The following PTPRN2 variants were observed in gnomAD, a reference collection of about 807,000 sequenced individuals.
The protein encoded by PTPRN2 is protein tyrosine phosphatase receptor type N2.
In PTPRN2, 74 loss-of-function variants were observed where a neutral mutation model predicts 118.8. The ratio of observed to expected loss-of-function variants is 0.62; its 90% CI spans 0.52 to 0.76. PTPRN2 has a LOEUF of 0.76. PTPRN2 is among the 30% of genes least tolerant of loss of function. The pLI, the probability that PTPRN2 is intolerant of heterozygous loss-of-function variation, is 0.00. For synonymous variants in PTPRN2, 641 were observed against 608.0 expected (o/e 1.05, Z -0.80); for missense variants, 1,481 against 1,394.4 (o/e 1.06, Z -0.99).
chr7:158,227,331 C>A (rs538288637), intron 3 of PTPRN2, among the ~76,000 whole-genome samples: 1 of 151,990 alleles, frequency 6.6e-6, no homozygotes, highest in Non-Finnish European at 1.5e-5. Flanking sequence ...GAGAGAGAGG[C>A]GGTATTCATT....
intron 12 of PTPRN2, among the ~76,000 whole-genome samples, chr7:157,807,070 C>A (rs562525949): frequency 6.6e-5 from 10 of 152,346 alleles, no homozygotes; most frequent in African/African-American, 2.2e-4. Flanking sequence ...TTTGGCCAGG[C>A]TGGTGTCTTT....
chr7:158,310,564 A>C (rs1297424040), intron 3 of PTPRN2, among the ~76,000 whole-genome samples: 2 of 152,220 alleles, frequency 1.3e-5, no homozygotes, highest in East Asian at 1.9e-4. Context: ...GGCCGGCCGG[A>C]GATGGGGGCT....
chr7:157,651,534 G>A (rs1020784971), intron 14 of PTPRN2, among the ~76,000 whole-genome samples: 1 of 152,110 alleles, frequency 6.6e-6, no homozygotes, highest in African/African-American at 2.4e-5. Flanking sequence ...AGGTGGACGC[G>A]GTGGCTCCCG....
intron 11 of PTPRN2, among the ~76,000 whole-genome samples, chr7:158,004,271 C>T (rs1452204212): frequency 6.6e-6 from 1 of 152,154 alleles, no homozygotes; most frequent in Non-Finnish European, 1.5e-5. Context: ...AGGGAACCGC[C>T]CACTTCCTGT....
intron 3 of PTPRN2, among the ~76,000 whole-genome samples, chr7:158,225,382 T>A (rs1269414374): frequency 6.6e-6 from 1 of 151,638 alleles, no homozygotes; most frequent in African/African-American, 2.4e-5. Context: ...GAGCACCACT[T>A]GGTTATGAAG....
intron 11 of PTPRN2, among the ~76,000 whole-genome samples, chr7:157,914,402 T>C (rs1798278940): frequency 6.6e-6 from 1 of 152,126 alleles, no homozygotes; most frequent in African/African-American, 2.4e-5. Flanking sequence ...ACTTCTGGAG[T>C]GCTCTGCTGG....
intron 11 of PTPRN2, among the ~76,000 whole-genome samples, chr7:158,060,980 C>T (rs1405197466): frequency 6.6e-6 from 1 of 152,234 alleles, no homozygotes; most frequent in African/African-American, 2.4e-5. Context: ...TCAAAACATT[C>T]TATCAAACTG....
Position 158,015,338 on chromosome 7 carries a change from C to G in PTPRN2, c.1723+65960G>C, listed in dbSNP as rs1806366583. On this transcript the variant is annotated intron_variant, in intron 11 of 22. Transcript: ENST00000389418. The surrounding 1 kb of genome is among the most constrained non-coding windows in gnomAD (Gnocchi z 4.2). Reference sequence around the variant, plus strand: ...CTCTGATTGTTCATTTTGTTTTTAACCTAAAATGAACAAATCCCCTGTCTA... The same window carrying G: ...CTCTGATTGTTCATTTTGTTTTTAAGCTAAAATGAACAAATCCCCTGTCTA... Among the ~76,000 whole-genome samples, 1 of 152,048 alleles carries G rather than the reference C, an allele frequency of 6.6e-6. No individual in the cohort carries two copies. The highest frequency in any genetic ancestry group is 2.4e-5 in the African/African-American group (1 of 41,366).
At chr7:157,995,231 T>C (rs1052267463) in intron 11 of PTPRN2, among the ~76,000 whole-genome samples, 1 of 149,894 alleles carries the variant, frequency 6.7e-6, no homozygotes, top group Non-Finnish European at 1.5e-5. Flanking sequence ...TACAACTCCT[T>C]GTTCCTAAAT....
At chr7:157,633,230 T>C (rs929450628) in intron 14 of PTPRN2, among the ~76,000 whole-genome samples, 1 of 151,436 alleles carries the variant, frequency 6.6e-6, no homozygotes, top group East Asian at 1.9e-4. Flanking sequence ...AACCTCCACC[T>C]CCTGGGTTCA....
At chr7:157,932,281 A>T (rs960777514) in intron 11 of PTPRN2, among the ~76,000 whole-genome samples, 2 of 152,230 alleles carry the variant, frequency 1.3e-5, no homozygotes, top group African/African-American at 2.4e-5. Flanking sequence ...AACTTACACG[A>T]TTTGTCTACT....
chr7:158,195,785 C>A (rs995929726), intron 4 of PTPRN2, among the ~76,000 whole-genome samples: 1 of 152,216 alleles, frequency 6.6e-6, no homozygotes, highest in Non-Finnish European at 1.5e-5. Flanking sequence ...TGTGTCTACA[C>A]TGATGAATTT....
rs568518466 is a variant in PTPRN2, at chr7:157,697,355, C to T, written c.1789-14418G>A. ...GCATACTGGATCTTAGTAGAGCCCTCACCATCTACCCATGCATACTGGGTC... is the reference window on the plus strand; with the variant it reads ...GCATACTGGATCTTAGTAGAGCCCTTACCATCTACCCATGCATACTGGGTC... On this transcript the variant is annotated intron_variant, in intron 12 of 22. Transcript: ENST00000389418. Among the ~76,000 whole-genome samples, 747 of 139,100 alleles carry T rather than the reference C, an allele frequency of 5.4e-3. 4 individuals are homozygous for T. Among genetic ancestry groups the T allele is most frequent in the African/African-American group, 0.02 (699 of 35,606 alleles). 91.3% of individuals were successfully genotyped at this position (139,100 alleles called of 152,430 possible).
chr7:158,236,548 A>G (rs1352201028), intron 3 of PTPRN2, among the ~76,000 whole-genome samples: 3 of 152,096 alleles, frequency 2.0e-5, no homozygotes, highest in Non-Finnish European at 4.4e-5. Flanking sequence ...TCCCAGTCTG[A>G]CATGCACCAG....
intron 1 of PTPRN2, among the ~76,000 whole-genome samples, chr7:158,558,363 T>C (rs540026443): frequency 6.6e-6 from 1 of 152,184 alleles, no homozygotes; most frequent in Non-Finnish European, 1.5e-5. Context: ...AAATGTATTG[T>C]TGGATTGTCT....
At chr7:158,579,204 A>G (rs1385957072) in intron 1 of PTPRN2, among the ~76,000 whole-genome samples, 1 of 152,250 alleles carries the variant, frequency 6.6e-6, no homozygotes, top group Non-Finnish European at 1.5e-5. Flanking sequence ...CTGTTTGGAT[A>G]TGCCTATTAA....
chr7:158,518,801 A>G (rs973208631), intron 1 of PTPRN2, among the ~76,000 whole-genome samples: 5 of 152,148 alleles, frequency 3.3e-5, no homozygotes, highest in African/African-American at 9.7e-5. Context: ...CCTGGGCAAC[A>G]TGGCGAAACC....
intron 12 of PTPRN2, among the ~76,000 whole-genome samples, chr7:157,715,221 G>A (rs1798842387): frequency 6.6e-6 from 1 of 152,228 alleles, no homozygotes; most frequent in South Asian, 2.1e-4. Flanking sequence ...CTGGAGGCGG[G>A]AGTCCAGGCC....
At chr7:158,125,214 T>C (rs1585518849) in intron 9 of PTPRN2, among the ~76,000 whole-genome samples, 1 of 137,368 alleles carries the variant, frequency 7.3e-6, no homozygotes, top group Admixed American at 7.6e-5. Flanking sequence ...CTGCCTGAAG[T>C]CCCTCCCAGG....
Sources: allele counts gnomAD v4.1 joint callset (sites outside exome capture counted in the v4.1 genomes callset), GRCh38; gene constraint gnomAD v4.1.1; non-coding constraint Gnocchi (gnomAD v3.1); transcripts MANE v1.5; gene names NCBI Gene and HGNC (gene_info 2026-07-23, HGNC 2026-07-21).